Variants in ANGEL2 observed in about 807,000 individuals in gnomAD.
ANGEL2 encodes the protein RNA 2',3'-cyclic phosphatase ANGEL2.
A neutral mutation model predicts 66.0 loss-of-function variants in ANGEL2; 41 were observed. That is an observed-to-expected ratio of 0.62 (90% CI 0.48 to 0.81). The LOEUF (loss-of-function observed/expected upper bound fraction) is 0.81, where lower values mean the gene tolerates loss of function less well. Ranked by LOEUF, ANGEL2 falls within the 30% of genes least tolerant of loss-of-function variation. The pLI, the probability that ANGEL2 is intolerant of heterozygous loss-of-function variation, is 0.00. For missense variants in ANGEL2, 561 were observed against 641.6 expected (o/e 0.87, Z 1.36); for synonymous variants, 208 against 226.5 (o/e 0.92, Z 0.73).
At chr1:213,008,158 C>T (rs2076393368) in intron 3 of ANGEL2, 52 bp downstream of exon 3, 1 of 1,573,948 alleles carries the variant, frequency 6.4e-7, no homozygotes, top group African/African-American at 1.4e-5. Context: ...GCCAGTGTGC[C>T]CGGCCCCAAC....
chr1:212,999,489 A>T (rs1040369352), intron 7 of ANGEL2, among the ~76,000 whole-genome samples: 1 of 152,202 alleles, frequency 6.6e-6, no homozygotes. Flanking sequence ...AATTGCTTCC[A>T]TTCTTACTAG....
intron 8 of ANGEL2, among the ~76,000 whole-genome samples, chr1:212,996,193 G>A (rs1335431675): frequency 1.3e-5 from 2 of 152,300 alleles, no homozygotes; most frequent in African/African-American, 4.8e-5. Flanking sequence ...TGTAGTCCCA[G>A]TGGCTCGGGA....
At position 212,993,721 on chromosome 1, in the gene ANGEL2, C is replaced by G. The variant is rs1344323325; in HGVS notation, c.*1320G>C. ...TAGAAAGTGTCAGCACCATCTCATA[C>G]TGGTGCATCACGGTAAAAGAAAACA... On this transcript the variant is annotated 3_prime_UTR_variant, in exon 9 of 9. Coordinates refer to ENST00000366962, the MANE Select transcript of ANGEL2 (RefSeq NM_144567.5). The G allele has an allele frequency of 6.6e-6, 1 of 152,186 alleles. No homozygotes were observed. Among genetic ancestry groups the G allele is most frequent in the Non-Finnish European group, 1.5e-5 (1 of 68,038 alleles). 9.4% of individuals were successfully genotyped at this position (152,186 alleles called of 1,614,324 possible).
intron 5 of ANGEL2, 98 bp from the exon 6 acceptor site, chr1:213,001,010 TA>T: frequency 8.5e-7 from 1 of 1,174,328 alleles, no homozygotes. Context: ...CCAAAAGTGG[TA>T]AATTATTACC....
intron 7 of ANGEL2, among the ~76,000 whole-genome samples, chr1:212,998,253 G>A (rs1038688804): frequency 1.3e-5 from 2 of 151,044 alleles, no homozygotes; most frequent in Non-Finnish European, 2.9e-5. Flanking sequence ...ATCTAGAAAA[G>A]TAGCTACGCG....
At chr1:213,015,526 C>G in intron 1 of ANGEL2, 87 bp downstream of exon 1, 1 of 1,454,910 alleles carries the variant, frequency 6.9e-7, no homozygotes, top group Non-Finnish European at 9.1e-7. Flanking sequence ...CCCGCCCCGC[C>G]CCGCCCCGGG....
intron 3 of ANGEL2, among the ~76,000 whole-genome samples, chr1:213,007,977 C>A (rs2148166027): frequency 6.6e-6 from 1 of 152,034 alleles, no homozygotes; most frequent in Non-Finnish European, 1.5e-5. Context: ...GATTCTCCTG[C>A]CTCAGCCTCC....
chr1:213,013,274 G>A lies in ANGEL2; in HGVS notation c.204C>T (p.Tyr68=), dbSNP rs1159283147. The change falls in exon 2 of 9, where the codon TAC becomes TAT. Residue 68 remains tyrosine (Y), a synonymous_variant. Transcript: ENST00000366962. ...TTAGTGAAAAATGCCTACTACTGAA[G>A]TATGGGTAAGGAGCTCGAGAGTAAT... ...PGHYSRAPYP[Y]FSSRHFSLNW... is the part of the protein sequence containing the mutation. The A allele has an allele frequency of 1.2e-6, 2 of 1,612,390 alleles. No individual in the cohort carries two copies. The highest frequency in any genetic ancestry group is 1.7e-6 in the Non-Finnish European group (2 of 1,178,334).
At chr1:213,015,392 C>A in intron 1 of ANGEL2, 4 of 1,423,528 alleles carry the variant, frequency 2.8e-6, no homozygotes, top group Non-Finnish European at 3.7e-6. Context: ...CGCCAAGACC[C>A]CAGACCTCGT....
At chr1:213,001,397 AATAC>A (rs1262993715) in intron 5 of ANGEL2, 10 of 153,440 alleles carry the variant, frequency 6.5e-5, no homozygotes, top group African/African-American at 2.4e-4. Context: ...TGCCTAAGAA[AATAC>A]ATACCTTAAT....
intron 8 of ANGEL2, among the ~76,000 whole-genome samples, chr1:212,996,943 A>T (rs2076041321): frequency 6.6e-6 from 1 of 152,106 alleles, no homozygotes. Flanking sequence ...ATTCTTGGGT[A>T]ATAATTTGCT....
chr1:212,995,835 G>A (rs1285698295), intron 8 of ANGEL2, among the ~76,000 whole-genome samples: 2 of 151,598 alleles, frequency 1.3e-5, no homozygotes, highest in Non-Finnish European at 2.9e-5. Context: ...AACAAACAGA[G>A]GGGAAAAGGG....
rs953942926 is a variant in ANGEL2 at position 212,994,348 on chromosome 1, C to G, written c.*693G>C. ...AGGGAAACAAAGGTATATCCCCAGT[C>G]TCTGCCTCTATTAAGCCCACCTCTT... is the stretch of plus-strand genomic sequence containing the variant. On this transcript the variant is annotated 3_prime_UTR_variant, in exon 9 of 9. Coordinates refer to ENST00000366962, the MANE Select transcript of ANGEL2 (RefSeq NM_144567.5). 2 of 152,148 alleles carry G rather than the reference C, an allele frequency of 1.3e-5. No individual in the cohort carries two copies. Among genetic ancestry groups the G allele is most frequent in the African/African-American group, 2.4e-5 (1 of 41,424 alleles). 9.4% of individuals were successfully genotyped at this position (152,148 alleles called of 1,614,324 possible).
Position 212,993,938 on chromosome 1 carries a change from G to A in ANGEL2, c.*1103C>T, listed in dbSNP as rs2075925546. On this transcript the variant is annotated 3_prime_UTR_variant, in exon 9 of 9. Transcript: ENST00000366962. ...AATAAAATAAATTTCTATAGAACTG[G>A]TTCAGTAAAATAAAATCTCTCCCCT... 1 of 152,154 alleles carries A rather than the reference G, an allele frequency of 6.6e-6. No individual in the cohort carries two copies. The highest frequency in any genetic ancestry group is 2.4e-5 in the African/African-American group (1 of 41,416). 9.4% of individuals were successfully genotyped at this position (152,154 alleles called of 1,614,324 possible).
At chr1:212,997,432 G>A (rs1017383003) in intron 7 of ANGEL2, 114 bp from the exon 8 acceptor site, 2 of 865,842 alleles carry the variant, frequency 2.3e-6, no homozygotes, top group African/African-American at 1.7e-5. Flanking sequence ...ATTAGGACAA[G>A]CTTTATTTAA....
rs2076167669 is a variant in ANGEL2, at chr1:213,001,140, TC to T, written c.1135-229del. On this transcript the variant is annotated intron_variant, in intron 5 of 8. Transcript: ENST00000366962. ...ACAATCTTTTTCCCATACATGCTTT[TC>T]TTTAATTTGGACATACAAATCATCT... 1.1e-5 allele frequency: 5 copies of T among 474,316 alleles called. No individual in the cohort carries two copies. In the East Asian group the frequency reaches 2.2e-4, roughly 21 times the overall value. 29.4% of individuals were successfully genotyped at this position (474,316 alleles called of 1,614,324 possible).
In ANGEL2 at chr1:213,000,893, G is replaced by A; in HGVS notation, c.1154C>T (p.Ser385Phe). The A allele has an allele frequency of 6.2e-7, 1 of 1,612,016 alleles. No homozygotes were observed. Among genetic ancestry groups the A allele is most frequent in the South Asian group, 1.1e-5 (1 of 90,554 alleles). The change falls in exon 6 of 9, where the codon TCT (serine) becomes TTT (phenylalanine). Residue 385 changes from serine to phenylalanine, a missense_variant. Transcript: ENST00000366962. ...AGATAAAATTCTTTGTCCCCGTGAA[G>A]ACTGTTCCTGGCCAGATACCTAAAC... is the stretch of plus-strand genomic sequence containing the variant. ...PIGKVSGQEQ[S>F]SRGQRILSIP...
rs1572096763 is a variant in ANGEL2 at position 212,994,316 on chromosome 1, A to AT, written c.*724_*725insA. The AT allele has an allele frequency of 6.6e-6, 1 of 152,176 alleles. No homozygotes were observed. The highest frequency in any genetic ancestry group is 6.6e-5 in the Admixed American group (1 of 15,260). The allele number at this position is 152,176 out of a possible 1,614,324, so 9.4% of individuals were successfully genotyped here. On this transcript the variant is annotated 3_prime_UTR_variant, in exon 9 of 9. Coordinates refer to ENST00000366962, the MANE Select transcript of ANGEL2 (RefSeq NM_144567.5). ...AAATAAAATAAAAATAAATAAATAA[A>AT]AATGCTAGGGAAACAAAGGTATATC... is the stretch of plus-strand genomic sequence containing the variant.
At chr1:213,004,086 T>A (rs2076252258) in intron 5 of ANGEL2, among the ~76,000 whole-genome samples, 1 of 151,900 alleles carries the variant, frequency 6.6e-6, no homozygotes, top group Admixed American at 6.6e-5. Context: ...AAGCCTGTAG[T>A]CCCAGCTACT....
Sources: gnomAD v4.1 joint callset for allele counts (sites outside exome capture counted in the v4.1 genomes callset) on GRCh38, gnomAD v4.1.1 for gene constraint, MANE v1.5 for transcripts, NCBI Gene and HGNC (gene_info 2026-07-23, HGNC 2026-07-21) for gene names.